DCAF6: variants seen among roughly 807,000 people sequenced by gnomAD.
The protein encoded by DCAF6 is DDB1 and CUL4 associated factor 6.
A neutral mutation model predicts 125.1 loss-of-function variants in DCAF6; 54 were observed. The observed-to-expected ratio is 0.43, with a 90% CI of 0.35 to 0.54. The LOEUF (loss-of-function observed/expected upper bound fraction) is 0.54. DCAF6 is among the 20% of genes least tolerant of loss of function. DCAF6 has a pLI of 0.01. For synonymous variants in DCAF6, 371 were observed against 390.4 expected (o/e 0.95, Z 0.58); for missense variants, 934 against 1,161.7 (o/e 0.80, Z 2.85).
chr1:167,991,467 T>A, intron 6 of DCAF6, 128 bp downstream of exon 6: 1 of 899,264 alleles, frequency 1.1e-6, no homozygotes, highest in Non-Finnish European at 1.5e-6. Flanking sequence ...TAATATGGAT[T>A]ATTATAAAAA....
the DCAF6 span, chr1:167,920,685 T>C: frequency 6.6e-7 from 1 of 1,526,088 alleles, no homozygotes; most frequent in South Asian, 1.3e-5. Flanking sequence ...GAGTAATAGT[T>C]TTAACTTTAA....
intron 13 of DCAF6, among the ~76,000 whole-genome samples, chr1:168,039,922 G>T (rs942353145): frequency 1.3e-5 from 2 of 151,432 alleles, no homozygotes; most frequent in African/African-American, 4.9e-5. Context: ...TATGTTCCGG[G>T]GACTATTCTA....
chr1:167,911,166 T>A, the DCAF6 span, among the ~76,000 whole-genome samples: 2 of 152,272 alleles, frequency 1.3e-5, no homozygotes, highest in African/African-American at 4.8e-5. Context: ...AACTGGGCAG[T>A]TTTAGGAAGT....
chr1:168,067,270 A>G (rs1302845385), intron 20 of DCAF6, among the ~76,000 whole-genome samples: 1 of 152,236 alleles, frequency 6.6e-6, no homozygotes, highest in Non-Finnish European at 1.5e-5. Context: ...TGTATTGTAT[A>G]CATAATGCTG....
At chr1:167,909,087 A>C in the DCAF6 span, among the ~76,000 whole-genome samples, 3 of 152,154 alleles carry the variant, frequency 2.0e-5, no homozygotes, top group Non-Finnish European at 4.4e-5. Context: ...CTTTTCCCTG[A>C]AGGTAACCTT....
rs775739978 is a variant in DCAF6, at chr1:168,045,105, C to T, written c.2136C>T (p.Ala712=). ...TNPEPQFQTE[A]TGPSAHEETS... ...CTGAGCCTCAGTTCCAAACAGAAGC[C>T]ACTGGGCCTTCAGCTCATGAAGAAA... The change falls in exon 16 of 22, where the codon GCC becomes GCT. Residue 712 remains alanine (A), a synonymous_variant. Transcript: ENST00000367840. 1.9e-6 allele frequency: 3 copies of T among 1,614,030 alleles called. No individual in the cohort carries two copies. The highest frequency in any genetic ancestry group is 2.5e-6 in the Non-Finnish European group (3 of 1,179,954).
chr1:168,071,220 T>C (rs769943643), intron 21 of DCAF6, among the ~76,000 whole-genome samples: 14 of 152,218 alleles, frequency 9.2e-5, no homozygotes, highest in Non-Finnish European at 1.9e-4. Flanking sequence ...ATGGTTTTTA[T>C]TGTAACCACT....
At chr1:167,926,542 A>C in the DCAF6 span, among the ~76,000 whole-genome samples, 2 of 152,254 alleles carry the variant, frequency 1.3e-5, no homozygotes, top group African/African-American at 4.8e-5. Context: ...ATATTAGCCA[A>C]GTCAGCGGTT....
chr1:167,866,231 G>C, the DCAF6 span, among the ~76,000 whole-genome samples: 2 of 152,112 alleles, frequency 1.3e-5, no homozygotes, highest in East Asian at 3.8e-4. Flanking sequence ...TCAACAAGAG[G>C]GAGGAAAAAT....
intron 17 of DCAF6, among the ~76,000 whole-genome samples, chr1:168,057,194 T>C (rs983219665): frequency 6.6e-6 from 1 of 152,226 alleles, no homozygotes; most frequent in Non-Finnish European, 1.5e-5. Context: ...TGGTGTTTTA[T>C]GAAAGGGTTT....
intron 4 of DCAF6, among the ~76,000 whole-genome samples, chr1:167,978,463 T>C (rs930189796): frequency 5.9e-5 from 9 of 152,222 alleles, no homozygotes; most frequent in African/African-American, 2.2e-4. Flanking sequence ...CTACTGAGGT[T>C]GAGCATCTCT....
intron 17 of DCAF6, among the ~76,000 whole-genome samples, chr1:168,062,117 A>G (rs930209878): frequency 2.6e-5 from 4 of 152,192 alleles, no homozygotes; most frequent in African/African-American, 9.6e-5. Context: ...GGTGAATCTT[A>G]CAAACATAAT....
Position 168,015,802 on chromosome 1 carries a change from TAGCTTTGCTTCGTA to T in DCAF6, c.1404_1417del (p.Leu469ProfsTer7). ...TCAGAATTTTTAAGGGGCCCTGAGA[TAGCTTTGCTTCGTA>T]AGCGCCTGCAACAACTGAGGCTTAA... is the stretch of plus-strand genomic sequence containing the variant. On this transcript the variant is annotated frameshift_variant, in exon 11 of 22. Coordinates refer to ENST00000367840, the MANE Select transcript of DCAF6 (RefSeq NM_001198956.2). LOFTEE classifies it high-confidence loss of function. 6.6e-7 allele frequency: 1 copy of T among 1,519,420 alleles called. No homozygotes were observed. Among genetic ancestry groups the T allele is most frequent in the Non-Finnish European group, 8.8e-7 (1 of 1,130,358 alleles). The allele number at this position is 1,519,420 out of a possible 1,614,324, so 94.1% of individuals were successfully genotyped here. A position where few individuals can be genotyped will look rare whatever the true frequency, so the allele number is the denominator to read the frequency against.
At position 167,966,709 on chromosome 1, in the gene DCAF6, T is replaced by A. The variant is rs775710407; in HGVS notation, c.240T>A (p.Pro80=). The A allele has an allele frequency of 8.2e-6, 13 of 1,580,598 alleles. No homozygotes were observed. Among genetic ancestry groups the A allele is most frequent in the Middle Eastern group, 1.7e-4 (1 of 5,998 alleles). ...SDDTKLVISN[P]YSRKVLTTIR... ...ACACCAAATTAGTAATTAGTAATCC[T>A]TACAGCAGAAAGGTAAAGTAGTTTA... The change falls in exon 3 of 22, where the codon CCT becomes CCA. Residue 80 remains proline (P), a synonymous_variant. Transcript: ENST00000367840.
chr1:168,072,039 T>C (rs529017001), intron 21 of DCAF6, among the ~76,000 whole-genome samples: 9 of 152,212 alleles, frequency 5.9e-5, no homozygotes, highest in African/African-American at 2.2e-4. Flanking sequence ...GGCTCATGCC[T>C]GTAATCCCAG....
intron 7 of DCAF6, among the ~76,000 whole-genome samples, chr1:167,994,811 A>G (rs1451830395): frequency 6.6e-6 from 1 of 152,112 alleles, no homozygotes; most frequent in Non-Finnish European, 1.5e-5. Context: ...GAAATTAACC[A>G]TTGATTTTTA....
At chr1:167,880,576 CA>C in the DCAF6 span, 1 of 1,613,994 alleles carries the variant, frequency 6.2e-7, no homozygotes, top group Non-Finnish European at 8.5e-7. Context: ...ACCTTTTCCC[CA>C]GGGAAGCCAA....
At chr1:168,066,030 C>G (rs963479525) in intron 19 of DCAF6, among the ~76,000 whole-genome samples, 32 of 152,100 alleles carry the variant, frequency 2.1e-4, no homozygotes, top group African/African-American at 7.0e-4. Flanking sequence ...ATTGTATATC[C>G]AAATGGAACA....
At chr1:167,911,956 A>G in the DCAF6 span, among the ~76,000 whole-genome samples, 1 of 152,226 alleles carries the variant, frequency 6.6e-6, no homozygotes, top group Non-Finnish European at 1.5e-5. Flanking sequence ...AAAGAAGAAA[A>G]TGATAGGTTT....
Sources: allele counts gnomAD v4.1 joint callset (sites outside exome capture counted in the v4.1 genomes callset), GRCh38; gene constraint gnomAD v4.1.1; transcripts MANE v1.5; gene names NCBI Gene and HGNC (gene_info 2026-07-23, HGNC 2026-07-21).